Variants in MYO1B observed in about 807,000 individuals in gnomAD.
MYO1B encodes the protein myosin IB.
Under a neutral mutation model 159.7 loss-of-function variants are expected in MYO1B, and 72 were observed. The observed-to-expected ratio is 0.45, with a 90% CI of 0.37 to 0.55. MYO1B has a LOEUF of 0.55. Among genes scored for constraint, MYO1B ranks in the 20% least tolerant of loss-of-function variants. The pLI is 0.00. For synonymous variants in MYO1B, 468 were observed against 473.8 expected, an observed-to-expected ratio of 0.99 and a Z score of 0.16; for missense variants, 1,062 against 1,364.8, an observed-to-expected ratio of 0.78 and a Z score of 3.50.
At chr2:191,331,341 C>T (rs537198972) in intron 4 of MYO1B, among the ~76,000 whole-genome samples, 1 of 152,084 alleles carries the variant, frequency 6.6e-6, no homozygotes, top group Non-Finnish European at 1.5e-5. Context: ...GACAGCCAAA[C>T]TCCTTTTGAA....
intron 5 of MYO1B, among the ~76,000 whole-genome samples, chr2:191,343,472 A>G (rs1049081364): frequency 6.6e-6 from 1 of 152,232 alleles, no homozygotes; most frequent in Non-Finnish European, 1.5e-5. Context: ...AGTTAGTAGC[A>G]TAAGAGAGAA....
intron 15 of MYO1B, among the ~76,000 whole-genome samples, chr2:191,384,437 TC>T (rs1203512061): frequency 1.3e-5 from 2 of 152,240 alleles, no homozygotes; most frequent in African/African-American, 4.8e-5. Flanking sequence ...GTATTTTTTT[TC>T]CTCAGTATTC....
chr2:191,307,730 C>T (rs1689738057), intron 3 of MYO1B, among the ~76,000 whole-genome samples: 1 of 152,160 alleles, frequency 6.6e-6, no homozygotes, highest in South Asian at 2.1e-4. Flanking sequence ...CTTAGTCAAC[C>T]CCACACGTTT....
chr2:191,360,821 G>A (rs1282554302), intron 8 of MYO1B, 92 bp downstream of exon 8: 10 of 863,412 alleles, frequency 1.2e-5, no homozygotes, highest in Non-Finnish European at 1.8e-5. Context: ...TGCCCAGGCC[G>A]GTCTCTAATT....
chr2:191,348,584 T>C (rs1476581961), intron 6 of MYO1B, among the ~76,000 whole-genome samples: 1 of 134,748 alleles, frequency 7.4e-6, no homozygotes, highest in Non-Finnish European at 1.7e-5. Flanking sequence ...GCCACATGAC[T>C]GGACTTTTTT....
At chr2:191,361,104 G>A (rs914695083) in intron 8 of MYO1B, among the ~76,000 whole-genome samples, 3 of 152,142 alleles carry the variant, frequency 2.0e-5, no homozygotes, top group African/African-American at 7.2e-5. Flanking sequence ...TGTGCCATAC[G>A]TCTCCGATGT....
intron 15 of MYO1B, among the ~76,000 whole-genome samples, chr2:191,384,071 G>A (rs1695259586): frequency 6.6e-6 from 1 of 152,136 alleles, no homozygotes; most frequent in Admixed American, 6.5e-5. Context: ...ATGTGCATAT[G>A]CAAAAAGGCT....
At chr2:191,398,405 T>A (rs1348657594) in intron 21 of MYO1B, among the ~76,000 whole-genome samples, 1 of 79,972 alleles carries the variant, frequency 1.3e-5, no homozygotes, top group Non-Finnish European at 3.0e-5. Flanking sequence ...ACGGGGCGGC[T>A]GGCCGGGCGG....
At chr2:191,385,418 CAT>C (rs1330559554) in intron 15 of MYO1B, among the ~76,000 whole-genome samples, 1 of 152,160 alleles carries the variant, frequency 6.6e-6, no homozygotes, top group African/African-American at 2.4e-5. Flanking sequence ...AATTTGGAAA[CAT>C]AGAAAACGAG....
intron 1 of MYO1B, among the ~76,000 whole-genome samples, chr2:191,259,971 C>T (rs963080037): frequency 5.3e-5 from 8 of 151,888 alleles, no homozygotes; most frequent in Admixed American, 1.3e-4. Flanking sequence ...TGGGCAGCTA[C>T]GTGTGGTGGA....
At chr2:191,274,564 C>T (rs1427400219) in intron 1 of MYO1B, among the ~76,000 whole-genome samples, 2 of 152,232 alleles carry the variant, frequency 1.3e-5, no homozygotes, top group Non-Finnish European at 2.9e-5. Flanking sequence ...CCCCCTTAAT[C>T]CCTAAGCCTT....
intron 3 of MYO1B, among the ~76,000 whole-genome samples, chr2:191,303,602 T>C (rs1402784160): frequency 6.6e-6 from 1 of 152,086 alleles, no homozygotes; most frequent in Non-Finnish European, 1.5e-5. Flanking sequence ...CCTGTCTTCA[T>C]GAGAGAGGCT....
chr2:191,381,364 T>C, intron 13 of MYO1B, 98 bp from the exon 14 acceptor site: 1 of 865,104 alleles, frequency 1.2e-6, no homozygotes, highest in Non-Finnish European at 1.9e-6. Flanking sequence ...TGAGAGATCA[T>C]GTGTGGCATT....
intron 15 of MYO1B, among the ~76,000 whole-genome samples, chr2:191,385,210 A>T (rs1359119007): frequency 6.6e-6 from 1 of 152,234 alleles, no homozygotes; most frequent in Non-Finnish European, 1.5e-5. Flanking sequence ...AAAAATGACC[A>T]CAGGGTCTAG....
intron 2 of MYO1B, among the ~76,000 whole-genome samples, chr2:191,281,772 T>C (rs1227615137): frequency 1.3e-5 from 2 of 152,226 alleles, no homozygotes; most frequent in Admixed American, 6.5e-5. Context: ...GTGTCTGTTC[T>C]CTGACGAGAA....
chr2:191,272,919 G>A (rs1687540974), intron 1 of MYO1B, among the ~76,000 whole-genome samples: 2 of 152,014 alleles, frequency 1.3e-5, no homozygotes, highest in South Asian at 2.1e-4. Context: ...TCACTTCCTG[G>A]TACCAGTCTC....
intron 3 of MYO1B, among the ~76,000 whole-genome samples, chr2:191,298,622 T>C (rs912624979): frequency 6.6e-6 from 1 of 152,220 alleles, no homozygotes; most frequent in African/African-American, 2.4e-5. Flanking sequence ...TTTTCTTTCC[T>C]TTCTTAACTA....
At chr2:191,355,592 G>A (rs774296128) in intron 7 of MYO1B, among the ~76,000 whole-genome samples, 1 of 152,220 alleles carries the variant, frequency 6.6e-6, no homozygotes, top group Admixed American at 6.5e-5. Flanking sequence ...ACAACGCTAA[G>A]CAACTGCTGG....
intron 4 of MYO1B, among the ~76,000 whole-genome samples, chr2:191,331,874 A>G (rs1029770968): frequency 1.3e-5 from 2 of 152,252 alleles, no homozygotes. Flanking sequence ...TGTTCTGGAA[A>G]CATCCTAATT....
Sources: gnomAD v4.1 joint callset for allele counts (sites outside exome capture counted in the v4.1 genomes callset) on GRCh38, gnomAD v4.1.1 for gene constraint, MANE v1.5 for transcripts, NCBI Gene and HGNC (gene_info 2026-07-23, HGNC 2026-07-21) for gene names.